Variants in PCDHA5 observed in about 807,000 individuals in gnomAD.
The protein encoded by PCDHA5 is protocadherin alpha 5.
Under a neutral mutation model 61.6 loss-of-function variants are expected in PCDHA5, and 43 were observed. The observed-to-expected ratio is 0.70, with a 90% CI of 0.55 to 0.90. The LOEUF (loss-of-function observed/expected upper bound fraction) is 0.90. Ranked by LOEUF, PCDHA5 falls within the 40% of genes least tolerant of loss-of-function variation. PCDHA5 has a pLI of 0.00. For synonymous variants in PCDHA5, 627 were observed against 543.9 expected (o/e 1.15, Z -2.13); for missense variants, 1,298 against 1,222.7 (o/e 1.06, Z -0.92).
intron 1 of PCDHA5, among the ~76,000 whole-genome samples, chr5:140,938,620 C>G (rs571731816): frequency 1.3e-5 from 2 of 152,172 alleles, no homozygotes; most frequent in African/African-American, 4.8e-5. Context: ...GGAATAAACT[C>G]AGGTTGCTTA....
chr5:140,853,847 G>T, intron 1 of PCDHA5: 1 of 986,430 alleles, frequency 1.0e-6, no homozygotes, highest in Non-Finnish European at 1.2e-6. Flanking sequence ...TAGATCCATA[G>T]CCCTATTTGA....
At chr5:140,936,419 TTTAA>T (rs1159041231) in intron 1 of PCDHA5, among the ~76,000 whole-genome samples, 4 of 152,184 alleles carry the variant, frequency 2.6e-5, no homozygotes, top group Non-Finnish European at 5.9e-5. Context: ...TGTTACTAAT[TTTAA>T]TTAATTTAAG....
intron 1 of PCDHA5, among the ~76,000 whole-genome samples, chr5:140,922,883 T>A (rs963654982): frequency 2.6e-5 from 4 of 152,134 alleles, no homozygotes; most frequent in Admixed American, 2.0e-4. Flanking sequence ...TCCAAAGACA[T>A]CATTCAAGAA....
chr5:141,005,031 A>G (rs2098194150), intron 3 of PCDHA5, among the ~76,000 whole-genome samples: 1 of 152,212 alleles, frequency 6.6e-6, no homozygotes, highest in South Asian at 2.1e-4. Context: ...ATAATTGCCC[A>G]TATGTGATAC....
At chr5:140,846,534 C>T (rs1554141358) in intron 1 of PCDHA5, among the ~76,000 whole-genome samples, 2 of 148,222 alleles carry the variant, frequency 1.3e-5, no homozygotes, top group African/African-American at 4.9e-5. Context: ...GCCACCATGC[C>T]CTGCTAATTT....
chr5:140,918,234 T>G (rs1188816850), intron 1 of PCDHA5, among the ~76,000 whole-genome samples: 1 of 152,210 alleles, frequency 6.6e-6, no homozygotes, highest in Non-Finnish European at 1.5e-5. Context: ...TTTTGTACAT[T>G]GATTTTGTAT....
intron 1 of PCDHA5, among the ~76,000 whole-genome samples, chr5:140,946,629 T>TATATATATATATATATATATATATATAC (rs1367833800): frequency 2.4e-5 from 3 of 123,274 alleles, no homozygotes; most frequent in Non-Finnish European, 3.6e-5. Context: ...TATATATATA[T>TATATATATATATATATATATATATATAC]ATACAATGGA....
chr5:140,822,943 C>T lies in PCDHA5; in HGVS notation c.1168C>T (p.Pro390Ser), dbSNP rs1554128961. 5 of 1,614,116 alleles carry T rather than the reference C, an allele frequency of 3.1e-6. No homozygotes were observed. Among genetic ancestry groups the T allele is most frequent in the Admixed American group, 1.7e-5 (1 of 60,012 alleles). Reference protein sequence around the residue: ...ANGQVTCSLMPHVPFKLVSTF... With the variant: ...ANGQVTCSLMSHVPFKLVSTF... ...CGGGCAGGTGACCTGCTCCCTAATG[C>T]CCCACGTTCCCTTCAAGCTGGTGTC... The change falls in exon 1 of 4, where the codon CCC becomes TCC. Residue 390 changes from proline (P) to serine (S), a missense_variant. Coordinates refer to ENST00000529859, the MANE Select transcript of PCDHA5 (RefSeq NM_018908.3).
At chr5:140,856,473 C>T (rs1471191080) in intron 1 of PCDHA5, 2 of 1,598,372 alleles carry the variant, frequency 1.3e-6, no homozygotes. Flanking sequence ...CTCTCAATAC[C>T]TGAATCCAGA....
chr5:140,870,514 T>C lies in PCDHA5; in HGVS notation c.2352+46387T>C, dbSNP rs1554164347. ...CGTGAAGGAGAACAACCCACCAGGC[T>C]GCCACATCTTCACAGTGTCGGCGCG... On this transcript the variant is annotated intron_variant, in intron 1 of 3. Transcript: ENST00000529859. The C allele has an allele frequency of 3.7e-6, 6 of 1,614,224 alleles. No homozygotes were observed. In the East Asian group the frequency reaches 1.3e-4, roughly 36 times the overall value.
In PCDHA5 at chr5:140,822,234, A is replaced by C; in HGVS notation, c.459A>C (p.Leu153=). The C allele has an allele frequency of 6.2e-7, 1 of 1,614,268 alleles. No homozygotes were observed. The change falls in exon 1 of 4, where the codon CTA becomes CTC. Residue 153 remains leucine, a synonymous_variant. Coordinates refer to ENST00000529859, the MANE Select transcript of PCDHA5 (RefSeq NM_018908.3). The part of the protein sequence containing the change: ...ESRMPDSRFP[L]EGASDLDIGA... Reference sequence around the variant, plus strand: ...GAATGCCAGATTCGCGGTTTCCGCTAGAGGGCGCGTCGGATTTGGATATTG... The same window carrying C: ...GAATGCCAGATTCGCGGTTTCCGCTCGAGGGCGCGTCGGATTTGGATATTG...
intron 3 of PCDHA5, among the ~76,000 whole-genome samples, chr5:140,984,164 A>T (rs1471799520): frequency 6.6e-6 from 1 of 152,208 alleles, no homozygotes; most frequent in African/African-American, 2.4e-5. Flanking sequence ...GAACTTCCCA[A>T]AGAAGCCACG....
chr5:140,869,883 T>G, intron 1 of PCDHA5: 1 of 1,610,444 alleles, frequency 6.2e-7, no homozygotes, highest in Admixed American at 1.7e-5. Context: ...AAGAAACTCT[T>G]GTGCTCAAAC....
intron 3 of PCDHA5, among the ~76,000 whole-genome samples, chr5:141,005,923 G>A (rs1424300772): frequency 6.6e-6 from 1 of 151,914 alleles, no homozygotes; most frequent in East Asian, 1.9e-4. Context: ...CTTCAGCCTG[G>A]TTGACAGAGT....
intron 1 of PCDHA5, among the ~76,000 whole-genome samples, chr5:140,887,165 C>T (rs1451761224): frequency 1.3e-5 from 2 of 151,306 alleles, no homozygotes; most frequent in Non-Finnish European, 2.9e-5. Flanking sequence ...GGCGTGATCT[C>T]GGCTCACTGC....
intron 1 of PCDHA5, chr5:140,871,620 T>C: frequency 7.1e-7 from 1 of 1,405,980 alleles, no homozygotes; most frequent in Non-Finnish European, 9.4e-7. Context: ...TTGTTTTAGA[T>C]AACAATGTCT....
At chr5:140,913,122 C>A (rs2076217505) in intron 1 of PCDHA5, among the ~76,000 whole-genome samples, 1 of 152,158 alleles carries the variant, frequency 6.6e-6, no homozygotes, top group African/African-American at 2.4e-5. Context: ...TGGAAGTTAA[C>A]CCCTCCTCTA....
intron 3 of PCDHA5, among the ~76,000 whole-genome samples, chr5:140,991,237 A>G (rs2097440162): frequency 6.6e-6 from 1 of 152,186 alleles, no homozygotes; most frequent in African/African-American, 2.4e-5. Context: ...ATGCAGTGGT[A>G]AAGGCAGTAT....
chr5:140,941,639 TC>T (rs2093135030), intron 1 of PCDHA5, among the ~76,000 whole-genome samples: 1 of 152,044 alleles, frequency 6.6e-6, no homozygotes, highest in Non-Finnish European at 1.5e-5. Context: ...ATTTCTGTCT[TC>T]CTACAACTTA....
Sources: gnomAD v4.1 joint callset for allele counts (sites outside exome capture counted in the v4.1 genomes callset) on GRCh38, gnomAD v4.1.1 for gene constraint, MANE v1.5 for transcripts, NCBI Gene and HGNC (gene_info 2026-07-23, HGNC 2026-07-21) for gene names.